MED13L: variants seen among roughly 807,000 people sequenced by gnomAD.
The protein encoded by MED13L is mediator of RNA polymerase II transcription subunit 13-like.
In MED13L, 7 loss-of-function variants were observed where a neutral mutation model predicts 220.9. The observed-to-expected ratio is 0.03, with a 90% CI of 0.02 to 0.06. The LOEUF (loss-of-function observed/expected upper bound fraction) is 0.06. Ranked by LOEUF, MED13L falls within the 10% of genes least tolerant of loss-of-function variation. The pLI is 1.00. For synonymous variants in MED13L, 1,011 were observed against 1,015.2 expected (o/e 1.00, Z 0.08); for missense variants, 1,965 against 2,760.5 (o/e 0.71, Z 6.46).
rs557897343 is a variant in MED13L, at chr12:116,012,436, C to A, written c.1280+361G>T. Reference sequence around the variant, plus strand: ...ATTATCTACAGAAAGTCTCTTTAATCCAAATTCTATTGACTCAAGCCCATC... The same window carrying A: ...ATTATCTACAGAAAGTCTCTTTAATACAAATTCTATTGACTCAAGCCCATC... On this transcript the variant is annotated intron_variant, in intron 9 of 30. Coordinates refer to ENST00000281928, the MANE Select transcript of MED13L (RefSeq NM_015335.5). Among the ~76,000 whole-genome samples the A allele has an allele frequency of 5.9e-5, 9 of 152,246 alleles. No individual in the cohort carries two copies. In the South Asian group the frequency reaches 1.5e-3, roughly 25 times the overall value.
At chr12:116,047,249 G>A (rs1881894805) in intron 4 of MED13L, among the ~76,000 whole-genome samples, 2 of 152,182 alleles carry the variant, frequency 1.3e-5, no homozygotes, top group African/African-American at 4.8e-5. Flanking sequence ...AGCTACTTGG[G>A]AGGCTGAGGT....
In MED13L at chr12:115,975,644, C is replaced by A; in HGVS notation, c.5459G>T (p.Ser1820Ile). Reference protein sequence around the residue: ...TELGETFGEASQKYNVLFVGY... With the variant: ...TELGETFGEAIQKYNVLFVGY... The stretch of plus-strand genomic sequence containing the variant: ...CACGAAGAGCACATTGTATTTCTGG[C>A]TCGCCTCACCAAACGTCTCTCCCAG... Residue 1820 changes from serine (S) to isoleucine (I), a missense_variant, in exon 24 of 31, where the codon AGC becomes ATC. Coordinates refer to ENST00000281928, the MANE Select transcript of MED13L (RefSeq NM_015335.5). The A allele has an allele frequency of 6.2e-7, 1 of 1,614,084 alleles. No individual in the cohort carries two copies. Among genetic ancestry groups the A allele is most frequent in the Non-Finnish European group, 8.5e-7 (1 of 1,180,012 alleles).
chr12:116,234,051 C>A (rs1215055579), intron 2 of MED13L, among the ~76,000 whole-genome samples: 1 of 151,886 alleles, frequency 6.6e-6, no homozygotes, highest in Non-Finnish European at 1.5e-5. Flanking sequence ...TTACATCTCA[C>A]CGTGAGGTTT....
At chr12:116,273,165 G>A (rs554108641) in intron 1 of MED13L, among the ~76,000 whole-genome samples, 4 of 152,160 alleles carry the variant, frequency 2.6e-5, no homozygotes, top group South Asian at 2.1e-4. Flanking sequence ...TTAGCCGGGC[G>A]TGGTGGCACA....
At chr12:116,274,480 C>CTTTT (rs1228137696) in intron 1 of MED13L, among the ~76,000 whole-genome samples, 5 of 148,030 alleles carry the variant, frequency 3.4e-5, no homozygotes, top group Non-Finnish European at 7.4e-5. Context: ...ATTATTAAAC[C>CTTTT]ATAAAGCGTT....
intron 2 of MED13L, among the ~76,000 whole-genome samples, chr12:116,214,159 A>C (rs1882869096): frequency 6.6e-6 from 1 of 152,202 alleles, no homozygotes; most frequent in Non-Finnish European, 1.5e-5. Flanking sequence ...AGTCACAGTA[A>C]ATTAGGATTC....
chr12:116,277,237 G>C lies in MED13L; in HGVS notation c.-106C>G, dbSNP rs1435659931. ...CTCGCCGGGGAGCGCGGGGCGGCCG[G>C]GCCGCCGCCGCCGCCGGGGGAGGGC... On this transcript the variant is annotated 5_prime_UTR_variant, in exon 1 of 31. Coordinates refer to ENST00000281928, the MANE Select transcript of MED13L (RefSeq NM_015335.5). 1.8e-5 allele frequency: 9 copies of C among 496,354 alleles called. No individual in the cohort carries two copies. Among genetic ancestry groups the C allele is most frequent in the Non-Finnish European group, 2.3e-5 (9 of 385,726 alleles). The allele number at this position is 496,354 out of a possible 1,614,324, so 30.7% of individuals were successfully genotyped here.
chr12:116,244,214 ACAGTAAACATATTAAGT>A (rs1870900950), intron 1 of MED13L, among the ~76,000 whole-genome samples: 1 of 152,202 alleles, frequency 6.6e-6, no homozygotes, highest in Non-Finnish European at 1.5e-5. Context: ...GTAGGTTAAT[ACAGTAAACATATTAAGT>A]CACCTCTCAA....
chr12:116,168,127 T>C (rs78043543), intron 2 of MED13L, among the ~76,000 whole-genome samples: 3,099 of 152,252 alleles, frequency 0.02, 58 homozygotes, highest in Middle Eastern at 0.054. Context: ...TTGTGTACTA[T>C]AGACTACCAG....
At chr12:116,211,267 T>C (rs1304857192) in intron 2 of MED13L, among the ~76,000 whole-genome samples, 1 of 152,210 alleles carries the variant, frequency 6.6e-6, no homozygotes, top group African/African-American at 2.4e-5. Flanking sequence ...ACTGAGCACC[T>C]GAAATGTGTT....
At chr12:116,205,017 A>ATGG (rs1882225208) in intron 2 of MED13L, among the ~76,000 whole-genome samples, 1 of 152,084 alleles carries the variant, frequency 6.6e-6, no homozygotes, top group Admixed American at 6.6e-5. Context: ...AACACCATAA[A>ATGG]CCCTTTCTTC....
intron 2 of MED13L, among the ~76,000 whole-genome samples, chr12:116,223,410 A>C (rs1388967637): frequency 6.6e-6 from 1 of 152,202 alleles, no homozygotes; most frequent in Non-Finnish European, 1.5e-5. Context: ...TACAGACTAT[A>C]AAATAAGATA....
intron 4 of MED13L, among the ~76,000 whole-genome samples, chr12:116,088,697 G>GT (rs1871931041): frequency 1.4e-5 from 2 of 143,648 alleles, no homozygotes; most frequent in South Asian, 4.9e-4. Flanking sequence ...TTCAGCCAAA[G>GT]TTAACCCCTT....
At chr12:116,105,832 C>G (rs1482550286) in intron 3 of MED13L, among the ~76,000 whole-genome samples, 2 of 152,146 alleles carry the variant, frequency 1.3e-5, no homozygotes, top group East Asian at 1.9e-4. Context: ...TGGCCATGTA[C>G]CTTGGGTATC....
intron 2 of MED13L, among the ~76,000 whole-genome samples, chr12:116,139,946 G>T (rs544546726): frequency 3.5e-5 from 5 of 143,576 alleles, no homozygotes; most frequent in African/African-American, 1.0e-4. Flanking sequence ...CTGCAGCCTG[G>T]GCAACAAAAC....
At chr12:116,139,399 C>T (rs1220247599) in intron 2 of MED13L, among the ~76,000 whole-genome samples, 1 of 152,140 alleles carries the variant, frequency 6.6e-6, no homozygotes, top group Non-Finnish European at 1.5e-5. Flanking sequence ...AAGGGTATCA[C>T]ATTCTCTAGA....
intron 2 of MED13L, among the ~76,000 whole-genome samples, chr12:116,203,851 GAA>G (rs1189984221): frequency 6.6e-6 from 1 of 152,018 alleles, no homozygotes; most frequent in East Asian, 1.9e-4. Context: ...AGACAAGAGT[GAA>G]AAGTCATCGA....
In MED13L at chr12:116,180,928, T is replaced by C. The variant is rs1284100110; in HGVS notation, c.310+56540A>G. Among the ~76,000 whole-genome samples the C allele has an allele frequency of 2.4e-5, 3 of 126,158 alleles. No homozygotes were observed. In the East Asian group the frequency reaches 7.1e-4, roughly 30 times the overall value. 82.8% of individuals were successfully genotyped at this position (126,158 alleles called of 152,430 possible). ...AACTTGAAAATGAGTTATTTCTCTC[T>C]CTCTTTTTTTTTTTTTTTTTGAAAT... is the stretch of plus-strand genomic sequence containing the variant. On this transcript the variant is annotated intron_variant, in intron 2 of 30. Transcript: ENST00000281928.
At chr12:116,096,180 C>A (rs1422785811) in intron 4 of MED13L, among the ~76,000 whole-genome samples, 1 of 151,310 alleles carries the variant, frequency 6.6e-6, no homozygotes, top group Admixed American at 6.6e-5. Flanking sequence ...ACAGCAAAAT[C>A]CCATCTCTAC....
Sources: allele counts gnomAD v4.1 joint callset (sites outside exome capture counted in the v4.1 genomes callset), GRCh38; gene constraint gnomAD v4.1.1; transcripts MANE v1.5; gene names NCBI Gene and HGNC (gene_info 2026-07-23, HGNC 2026-07-21).